Variants in CDH13 observed in about 807,000 individuals in gnomAD.
CDH13 encodes cadherin-13.
In CDH13, 24 loss-of-function variants were observed where a neutral mutation model predicts 63.8. The ratio of observed to expected loss-of-function variants is 0.38; its 90% CI spans 0.27 to 0.53. CDH13 has a LOEUF of 0.53. CDH13 is among the 20% of genes least tolerant of loss of function. The probability of loss-of-function intolerance (pLI) is 0.85; values close to 1 mark genes in which losing one functional copy is unlikely to be tolerated. For synonymous variants in CDH13, 503 were observed against 355.3 expected, an observed-to-expected ratio of 1.42 and a Z score of -4.67; for missense variants, 1,049 against 903.1, an observed-to-expected ratio of 1.16 and a Z score of -2.07.
intron 1 of CDH13, among the ~76,000 whole-genome samples, chr16:82,778,570 GAAAAAA>G (rs11350020): frequency 1.2e-4 from 10 of 85,766 alleles, no homozygotes; most frequent in East Asian, 8.7e-4. Flanking sequence ...ATCACGACCA[GAAAAAA>G]AAAAAAAAAA....
chr16:83,183,935 C>T lies in CDH13; in HGVS notation c.484-33410C>T, dbSNP rs551884035. Among the ~76,000 whole-genome samples the T allele has an allele frequency of 6.6e-5, 10 of 152,136 alleles. No homozygotes were observed. The South Asian group carries it at 1.9e-3, about 28-fold the overall frequency. On this transcript the variant is annotated intron_variant, in intron 4 of 13. Coordinates refer to ENST00000567109, the MANE Select transcript of CDH13 (RefSeq NM_001257.5). ...AGAAAGAACCTTTTCATCACCACCC[C>T]AATCCCAAAATTCCAGAGCAAGAAG...
At chr16:82,772,896 G>A (rs1201904539) in intron 1 of CDH13, among the ~76,000 whole-genome samples, 3 of 152,186 alleles carry the variant, frequency 2.0e-5, no homozygotes, top group Admixed American at 6.5e-5. Context: ...GGTTGTGGGG[G>A]CATAGGTTGC....
intron 3 of CDH13, among the ~76,000 whole-genome samples, chr16:83,073,549 C>T (rs57124330): frequency 0.034 from 5,097 of 152,028 alleles, 282 homozygotes; most frequent in African/African-American, 0.12. Flanking sequence ...TCCCTGTGAG[C>T]CCTCCCTAAA....
At chr16:83,230,958 C>A (rs1041344858) in intron 5 of CDH13, among the ~76,000 whole-genome samples, 4 of 152,174 alleles carry the variant, frequency 2.6e-5, no homozygotes, top group African/African-American at 9.7e-5. Context: ...GGGAGACATC[C>A]TCGAAATACC....
At chr16:82,946,859 C>G (rs181588735) in intron 2 of CDH13, among the ~76,000 whole-genome samples, 7 of 152,198 alleles carry the variant, frequency 4.6e-5, no homozygotes, top group East Asian at 1.9e-4. Flanking sequence ...CATACAATCA[C>G]TAGAGTGAAG....
At chr16:83,351,115 T>A (rs2090942728) in intron 6 of CDH13, among the ~76,000 whole-genome samples, 1 of 152,196 alleles carries the variant, frequency 6.6e-6, no homozygotes, top group Non-Finnish European at 1.5e-5. Flanking sequence ...GTCCCTTTTC[T>A]GGTTACTTTT....
At chr16:83,045,743 A>G (rs1256361859) in intron 3 of CDH13, among the ~76,000 whole-genome samples, 2 of 151,702 alleles carry the variant, frequency 1.3e-5, no homozygotes, top group African/African-American at 4.8e-5. Flanking sequence ...GATTTTCTCT[A>G]TTTGATTCTC....
At chr16:83,241,621 G>A (rs1420900347) in intron 5 of CDH13, among the ~76,000 whole-genome samples, 2 of 152,140 alleles carry the variant, frequency 1.3e-5, no homozygotes, top group South Asian at 4.1e-4. Context: ...TTAGCCATTT[G>A]TATAACTTCC....
chr16:83,257,383 G>A lies in CDH13; in HGVS notation c.636+39886G>A, dbSNP rs111396284. Among the ~76,000 whole-genome samples the A allele has an allele frequency of 6.6e-3, 998 of 152,216 alleles. 6 individuals carry two copies. The highest frequency in any genetic ancestry group is 9.4e-3 in the Admixed American group (144 of 15,298). Reference sequence around the variant, plus strand: ...AATTTATATAAGGAGTATTCAAGCAGACCCCAAAGGCCAAAGTTCATGGAT... The same window carrying A: ...AATTTATATAAGGAGTATTCAAGCAAACCCCAAAGGCCAAAGTTCATGGAT... On this transcript the variant is annotated intron_variant, in intron 5 of 13. Transcript: ENST00000567109.
chr16:83,267,990 C>T (rs1204964310), intron 5 of CDH13, among the ~76,000 whole-genome samples: 2 of 152,120 alleles, frequency 1.3e-5, no homozygotes, highest in East Asian at 3.9e-4. Flanking sequence ...AAGCTTTACT[C>T]ATTTAGAGAA....
chr16:83,423,717 C>A (rs533981341), intron 6 of CDH13, among the ~76,000 whole-genome samples: 1 of 152,074 alleles, frequency 6.6e-6, no homozygotes, highest in African/African-American at 2.4e-5. Context: ...TATATTAAAC[C>A]CTAATAAATA....
At chr16:83,537,646 G>GA (rs11363624) in intron 7 of CDH13, among the ~76,000 whole-genome samples, 11 of 151,190 alleles carry the variant, frequency 7.3e-5, no homozygotes, top group Admixed American at 5.9e-4. Flanking sequence ...TGTTCTACAG[G>GA]AAAAAAAAAG....
At chr16:83,481,582 G>A (rs1404822255) in intron 6 of CDH13, among the ~76,000 whole-genome samples, 6 of 152,182 alleles carry the variant, frequency 3.9e-5, no homozygotes, top group African/African-American at 1.4e-4. Flanking sequence ...ACAAGGAAGC[G>A]ATCACACTTG....
chr16:83,380,969 G>T (rs1224259662), intron 6 of CDH13, among the ~76,000 whole-genome samples: 1 of 151,896 alleles, frequency 6.6e-6, no homozygotes, highest in Non-Finnish European at 1.5e-5. Context: ...CTTAGAGTTA[G>T]TATATAACCT....
At chr16:83,382,733 C>G (rs577392057) in intron 6 of CDH13, among the ~76,000 whole-genome samples, 25 of 152,300 alleles carry the variant, frequency 1.6e-4, no homozygotes, top group African/African-American at 6.0e-4. Flanking sequence ...TCATTAACCT[C>G]AGATCTGTCC....
chr16:83,777,699 T>C (rs564990777), intron 11 of CDH13, among the ~76,000 whole-genome samples: 1 of 152,380 alleles, frequency 6.6e-6, no homozygotes, highest in East Asian at 1.9e-4. Flanking sequence ...GTCTCCTTGC[T>C]TCTTTGCTAG....
intron 10 of CDH13, among the ~76,000 whole-genome samples, chr16:83,747,655 A>T (rs1912716950): frequency 1.3e-5 from 2 of 150,904 alleles, no homozygotes; most frequent in African/African-American, 4.9e-5. Flanking sequence ...ATTCTCTGTG[A>T]GGTGCCCAAT....
chr16:83,391,447 G>A (rs1319777625), intron 6 of CDH13, among the ~76,000 whole-genome samples: 3 of 151,750 alleles, frequency 2.0e-5, no homozygotes, highest in African/African-American at 7.3e-5. Flanking sequence ...CTCGTGATCC[G>A]CCCGCCTCAG....
chr16:83,476,706 C>CAA (rs200890682), intron 6 of CDH13, among the ~76,000 whole-genome samples: 3 of 151,598 alleles, frequency 2.0e-5, no homozygotes, highest in African/African-American at 7.3e-5. Flanking sequence ...GTTAAACAAA[C>CAA]AAAAAAAACC....
Sources: gnomAD v4.1 joint callset for allele counts (sites outside exome capture counted in the v4.1 genomes callset) on GRCh38, gnomAD v4.1.1 for gene constraint, MANE v1.5 for transcripts, NCBI Gene and HGNC (gene_info 2026-07-23, HGNC 2026-07-21) for gene names.